Variants in RBFOX1 observed in about 807,000 individuals in gnomAD.
RBFOX1 encodes the protein RNA binding fox-1 homolog 1.
Under a neutral mutation model 57.7 loss-of-function variants are expected in RBFOX1, and 8 were observed. That is an observed-to-expected ratio of 0.14 (90% CI 0.08 to 0.25). The LOEUF is 0.25. Ranked by LOEUF, RBFOX1 falls within the 10% of genes least tolerant of loss-of-function variation. The probability of loss-of-function intolerance (pLI) is 1.00; values close to 1 mark genes in which losing one functional copy is unlikely to be tolerated. For synonymous variants in RBFOX1, 326 were observed against 222.4 expected (o/e 1.47, Z -4.15); for missense variants, 611 against 548.5 (o/e 1.11, Z -1.14).
intron 4 of RBFOX1, among the ~76,000 whole-genome samples, chr16:5,991,869 C>G (rs907847338): frequency 6.6e-6 from 1 of 152,056 alleles, no homozygotes; most frequent in Non-Finnish European, 1.5e-5. Flanking sequence ...GTATCTGATG[C>G]TCTAGCACCT....
intron 1 of RBFOX1, among the ~76,000 whole-genome samples, chr16:6,311,920 G>C (rs894361810): frequency 4.6e-5 from 7 of 152,120 alleles, no homozygotes; most frequent in Non-Finnish European, 7.4e-5. Flanking sequence ...AGCAACCCTG[G>C]GCAGCTTGCT....
chr16:6,563,846 ATGTGTGTGTGTGTGTGTATGTATG>A (rs2097218300), intron 2 of RBFOX1, among the ~76,000 whole-genome samples: 1 of 150,490 alleles, frequency 6.6e-6, no homozygotes, highest in Non-Finnish European at 1.5e-5. Context: ...ATATATATAT[ATGTGTGTGTGTGTGTGTATGTATG>A]TATATGTATG....
At chr16:7,319,989 C>T (rs1424049594) in intron 4 of RBFOX1, among the ~76,000 whole-genome samples, 1 of 152,150 alleles carries the variant, frequency 6.6e-6, no homozygotes, top group East Asian at 1.9e-4. Flanking sequence ...TTAAGCAGAA[C>T]ATATCTTCTA....
chr16:7,666,361 G>T (rs2069264881), intron 13 of RBFOX1, among the ~76,000 whole-genome samples: 1 of 148,238 alleles, frequency 6.7e-6, no homozygotes, highest in Admixed American at 6.8e-5. Context: ...CACCAAAATG[G>T]AAACTATCTC....
intron 3 of RBFOX1, among the ~76,000 whole-genome samples, chr16:5,859,044 A>G (rs1242297324): frequency 2.6e-5 from 4 of 152,168 alleles, no homozygotes; most frequent in African/African-American, 9.7e-5. Context: ...ATCTCTACTA[A>G]AAATACAGAA....
chr16:6,087,878 C>G (rs13334066), intron 1 of RBFOX1, among the ~76,000 whole-genome samples: 1,716 of 152,186 alleles, frequency 0.011, 36 homozygotes, highest in African/African-American at 0.039. Context: ...GTCTCGATCT[C>G]TTGACCTTGT....
At chr16:5,424,267 A>T (rs1414926794) in intron 1 of RBFOX1, among the ~76,000 whole-genome samples, 1 of 152,148 alleles carries the variant, frequency 6.6e-6, no homozygotes, top group African/African-American at 2.4e-5. Context: ...CCTAATTTTG[A>T]TCAAAATCGT....
chr16:6,112,389 G>A (rs779169101), intron 1 of RBFOX1, among the ~76,000 whole-genome samples: 3 of 152,110 alleles, frequency 2.0e-5, no homozygotes. Context: ...GAGTAATAAA[G>A]GTTCGTTAAA....
chr16:6,065,360 A>G (rs2095747843), intron 1 of RBFOX1, among the ~76,000 whole-genome samples: 1 of 151,974 alleles, frequency 6.6e-6, no homozygotes, highest in Non-Finnish European at 1.5e-5. Context: ...ATGCCTAGGA[A>G]CACTGGGGAT....
At chr16:5,567,514 A>C (rs1334568657) in intron 2 of RBFOX1, among the ~76,000 whole-genome samples, 1 of 151,610 alleles carries the variant, frequency 6.6e-6, no homozygotes, top group East Asian at 1.9e-4. Context: ...TCATAGGGTG[A>C]GGCAGCAGTG....
intron 4 of RBFOX1, among the ~76,000 whole-genome samples, chr16:7,339,686 C>A (rs1165083368): frequency 6.6e-6 from 1 of 152,182 alleles, no homozygotes; most frequent in Non-Finnish European, 1.5e-5. Context: ...GTGATCCGCC[C>A]ACTTCAGCCT....
intron 4 of RBFOX1, among the ~76,000 whole-genome samples, chr16:7,459,095 G>C (rs564351516): frequency 1.7e-4 from 26 of 152,184 alleles, no homozygotes; most frequent in Non-Finnish European, 2.8e-4. Context: ...GATGGATGAT[G>C]GGCAGATGAA....
intron 4 of RBFOX1, among the ~76,000 whole-genome samples, chr16:7,294,848 A>G (rs2095860097): frequency 6.6e-6 from 1 of 152,148 alleles, no homozygotes; most frequent in African/African-American, 2.4e-5. Context: ...TTTGTATTGC[A>G]TGGTTAAAAA....
At chr16:5,653,823 A>G (rs1238145132) in intron 3 of RBFOX1, among the ~76,000 whole-genome samples, 2 of 152,094 alleles carry the variant, frequency 1.3e-5, no homozygotes, top group African/African-American at 2.4e-5. Context: ...CCCTCTTAGA[A>G]TGGATGCTGG....
intron 3 of RBFOX1, among the ~76,000 whole-genome samples, chr16:6,985,082 T>G (rs758458036): frequency 1.5e-5 from 2 of 134,466 alleles, no homozygotes; most frequent in African/African-American, 5.5e-5. Flanking sequence ...CTCAAGATTC[T>G]GGAATTTCCT....
Position 7,088,209 on chromosome 16 carries a change from G to A in RBFOX1, c.27+36111G>A, listed in dbSNP as rs534875246. ...TGATGGTGGTGAATTCAGAAAAAAG[G>A]TCTAGGGAAGTCGGGTTAGACATGA... is the stretch of plus-strand genomic sequence containing the variant. On this transcript the variant is annotated intron_variant, in intron 4 of 15. Transcript: ENST00000550418. 8.3e-4 allele frequency among the ~76,000 whole-genome samples: 127 copies of A among 152,318 alleles called. 1 individual carries two copies. Among genetic ancestry groups the A allele is most frequent in the South Asian group, 2.1e-3 (10 of 4,822 alleles).
intron 3 of RBFOX1, among the ~76,000 whole-genome samples, chr16:6,815,364 C>G (rs543877358): frequency 6.6e-6 from 1 of 152,272 alleles, no homozygotes; most frequent in South Asian, 2.1e-4. Context: ...CTAAGATTGC[C>G]TAACCTTCTG....
intron 2 of RBFOX1, among the ~76,000 whole-genome samples, chr16:6,652,285 C>T (rs1202605750): frequency 6.6e-6 from 1 of 152,082 alleles, no homozygotes; most frequent in East Asian, 1.9e-4. Context: ...CCCATCTCTA[C>T]TAAAAATACA....
chr16:7,015,773 A>C (rs560149396), intron 3 of RBFOX1, among the ~76,000 whole-genome samples: 1 of 152,034 alleles, frequency 6.6e-6, no homozygotes, highest in East Asian at 1.9e-4. Flanking sequence ...TTTTTTCTTA[A>C]AGATTTTTTT....
Sources: allele counts gnomAD v4.1 joint callset (sites outside exome capture counted in the v4.1 genomes callset), GRCh38; gene constraint gnomAD v4.1.1; transcripts MANE v1.5; gene names NCBI Gene and HGNC (gene_info 2026-07-23, HGNC 2026-07-21).